The following RAF1 variants were observed in gnomAD, a reference collection of about 807,000 sequenced individuals.
RAF1 encodes the protein Raf-1 proto-oncogene, serine/threonine kinase.
A neutral mutation model predicts 81.1 loss-of-function variants in RAF1; 27 were observed. That is an observed-to-expected ratio of 0.33 (90% confidence interval 0.25 to 0.46). The LOEUF is 0.46. Ranked by LOEUF, RAF1 falls within the 20% of genes least tolerant of loss-of-function variation. The pLI is 1.00. For synonymous variants in RAF1, 298 were observed against 294.0 expected, an observed-to-expected ratio of 1.01 and a Z score of -0.14; for missense variants, 598 against 826.0, an observed-to-expected ratio of 0.72 and a Z score of 3.38.
At position 12,634,331 on chromosome 3, in the gene RAF1, A is replaced by G. The variant is rs543412294; in HGVS notation, c.-26-15584T>C. Among the ~76,000 whole-genome samples, 4 of 144,102 alleles carry G rather than the reference A, an allele frequency of 2.8e-5. No individual in the cohort carries two copies. In the South Asian group the frequency reaches 8.7e-4, roughly 31 times the overall value. The allele number at this position is 144,102 out of a possible 152,430, so 94.5% of individuals were successfully genotyped here. A position where few individuals can be genotyped will look rare whatever the true frequency, so the allele number is the denominator to read the frequency against. On this transcript the variant is annotated intron_variant, in intron 1 of 17. Transcript: ENST00000442415. ...CTGGCTAATTTTTTTTTTTTTTTTT[A>G]GTAGAGATGGCGTTTCGCCATGTTG...
intron 7 of RAF1, 122 bp downstream of exon 7, chr3:12,604,014 C>G (rs2058946488): frequency 4.4e-6 from 5 of 1,123,968 alleles, no homozygotes; most frequent in Non-Finnish European, 6.7e-6. Context: ...CTGTAAAAGT[C>G]CAGAGACCTG....
Position 12,584,228 on chromosome 3 carries a change from T to C in RAF1, c.*286A>G. 1 of 484,158 alleles carries C rather than the reference T, an allele frequency of 2.1e-6. No homozygotes were observed. Among genetic ancestry groups the C allele is most frequent in the South Asian group, 2.3e-5 (1 of 44,424 alleles). The allele number at this position is 484,158 out of a possible 1,614,324, so 30.0% of individuals were successfully genotyped here. A position where few individuals can be genotyped will look rare whatever the true frequency, so the allele number is the denominator to read the frequency against. On this transcript the variant is annotated 3_prime_UTR_variant, in exon 18 of 18. Coordinates refer to ENST00000442415, the MANE Select transcript of RAF1 (RefSeq NM_001354689.3). Reference sequence around the variant, plus strand: ...GGGGCTGGGCCCCTGCTTTTTGTACTACCATCAACATCCACTTGCGCATCT... The same window carrying C: ...GGGGCTGGGCCCCTGCTTTTTGTACCACCATCAACATCCACTTGCGCATCT...
chr3:12,601,113 GA>G (rs1156678167), intron 8 of RAF1, among the ~76,000 whole-genome samples: 2 of 152,152 alleles, frequency 1.3e-5, no homozygotes, highest in African/African-American at 4.8e-5. Context: ...AGTTGGATTT[GA>G]AAAAGGTAAG....
In RAF1 at chr3:12,585,765, A is replaced by G; in HGVS notation, c.1512T>C (p.Ile504=). The change falls in exon 15 of 18, where the codon ATT becomes ATC. Residue 504 remains isoleucine (I), a synonymous_variant. Coordinates refer to ENST00000442415, the MANE Select transcript of RAF1 (RefSeq NM_001354689.3). ...TTACTGTTGCCAAACCAAAATCTCC[A>G]ATTTTCACTGTTAAGCCTTCATGGA... 6.2e-7 allele frequency: 1 copy of G among 1,613,930 alleles called. No homozygotes were observed.
At chr3:12,644,488 G>T (rs1482377127) in intron 1 of RAF1, among the ~76,000 whole-genome samples, 1 of 152,146 alleles carries the variant, frequency 6.6e-6, no homozygotes, top group Admixed American at 6.5e-5. Context: ...CAGGAGTTAA[G>T]TGTACAAGAA....
At chr3:12,637,111 A>G (rs1559471776) in intron 1 of RAF1, among the ~76,000 whole-genome samples, 1 of 152,114 alleles carries the variant, frequency 6.6e-6, no homozygotes, top group East Asian at 1.9e-4. Flanking sequence ...AAAATTGTGT[A>G]CCTCCGCTAG....
At chr3:12,591,417 A>T (rs1363696140) in intron 12 of RAF1, among the ~76,000 whole-genome samples, 1 of 152,142 alleles carries the variant, frequency 6.6e-6, no homozygotes. Context: ...AATAGGGCCT[A>T]TTTCTGCCCA....
At chr3:12,612,302 T>C (rs1298004360) in intron 2 of RAF1, among the ~76,000 whole-genome samples, 4 of 152,170 alleles carry the variant, frequency 2.6e-5, no homozygotes, top group Admixed American at 1.3e-4. Flanking sequence ...GAGGAGTCCA[T>C]GATATATTAA....
At chr3:12,658,765 T>C (rs2060779873) in intron 1 of RAF1, among the ~76,000 whole-genome samples, 1 of 152,126 alleles carries the variant, frequency 6.6e-6, no homozygotes. Context: ...TAGAATCTGG[T>C]CTAAAAATAA....
intron 2 of RAF1, among the ~76,000 whole-genome samples, chr3:12,614,523 C>A (rs1451811677): frequency 1.3e-5 from 2 of 151,986 alleles, no homozygotes; most frequent in African/African-American, 4.8e-5. Flanking sequence ...CCTTTACCAC[C>A]CCAGTTTAAG....
intron 11 of RAF1, among the ~76,000 whole-genome samples, chr3:12,593,714 T>C (rs1248777563): frequency 1.3e-5 from 2 of 151,988 alleles, no homozygotes; most frequent in Non-Finnish European, 1.5e-5. Flanking sequence ...TAAGTGTCCA[T>C]TCTGGTACAG....
rs1361115951 is a variant in RAF1 at position 12,599,821 on chromosome 3, G to C, written c.1051-13C>G. ...GTCCACGAGGCCTCTGAAACAAGTAGAGATCATTATTATACTCCATGCAAT... is the reference window on the plus strand; with the variant it reads ...GTCCACGAGGCCTCTGAAACAAGTACAGATCATTATTATACTCCATGCAAT... On this transcript the variant is annotated splice_polypyrimidine_tract_variant and intron_variant, in intron 10 of 17. Coordinates refer to ENST00000442415, the MANE Select transcript of RAF1 (RefSeq NM_001354689.3). 3 of 1,584,496 alleles carry C rather than the reference G, an allele frequency of 1.9e-6. No individual in the cohort carries two copies. The South Asian group carries it at 3.3e-5, about 18-fold the overall frequency.
At chr3:12,614,677 C>G (rs1450781123) in intron 2 of RAF1, among the ~76,000 whole-genome samples, 1 of 131,790 alleles carries the variant, frequency 7.6e-6, no homozygotes, top group Non-Finnish European at 1.6e-5. Context: ...CCTTCCACCT[C>G]AGCCTCCCAA....
intron 1 of RAF1, among the ~76,000 whole-genome samples, chr3:12,633,527 A>G (rs9849807): frequency 0.21 from 31,309 of 150,452 alleles, 3,523 homozygotes; most frequent in African/African-American, 0.29. Flanking sequence ...AAAGAAAAAA[A>G]TCCACAATGA....
intron 6 of RAF1, among the ~76,000 whole-genome samples, chr3:12,605,985 A>C (rs2059015664): frequency 6.6e-6 from 1 of 152,228 alleles, no homozygotes; most frequent in South Asian, 2.1e-4. Flanking sequence ...AGAAGAAGCT[A>C]CAGTCAAAGT....
intron 1 of RAF1, among the ~76,000 whole-genome samples, chr3:12,649,975 T>A (rs1051415893): frequency 1.3e-5 from 2 of 151,606 alleles, no homozygotes; most frequent in African/African-American, 4.8e-5. Flanking sequence ...TGAAACCCCA[T>A]CTCTACTAAA....
At chr3:12,645,068 C>CA (rs1483170655) in intron 1 of RAF1, among the ~76,000 whole-genome samples, 1 of 136,462 alleles carries the variant, frequency 7.3e-6, no homozygotes, top group Admixed American at 8.0e-5. Context: ...CACTGCACTC[C>CA]AGCCTGGTGA....
At chr3:12,646,674 C>T (rs534576248) in intron 1 of RAF1, among the ~76,000 whole-genome samples, 9 of 152,080 alleles carry the variant, frequency 5.9e-5, no homozygotes, top group African/African-American at 2.2e-4. Flanking sequence ...CCTCAGCCTC[C>T]CGAGTAGCTG....
At chr3:12,629,594 T>G (rs1047344302) in intron 1 of RAF1, among the ~76,000 whole-genome samples, 1 of 152,148 alleles carries the variant, frequency 6.6e-6, no homozygotes, top group South Asian at 2.1e-4. Context: ...CAAGGTTACA[T>G]GGTATTCAGA....
Sources: gnomAD v4.1 joint callset for allele counts (sites outside exome capture counted in the v4.1 genomes callset) on GRCh38, gnomAD v4.1.1 for gene constraint, MANE v1.5 for transcripts, NCBI Gene and HGNC (gene_info 2026-07-23, HGNC 2026-07-21) for gene names.